DLG2: variants seen among roughly 807,000 people sequenced by gnomAD.
DLG2 encodes the protein disks large homolog 2.
Under a neutral mutation model 132.5 loss-of-function variants are expected in DLG2, and 45 were observed. That is an observed-to-expected ratio of 0.34 (90% CI 0.27 to 0.44). DLG2 has a LOEUF of 0.44. Ranked by LOEUF, DLG2 falls within the 20% of genes least tolerant of loss-of-function variation. The pLI, the probability that DLG2 is intolerant of heterozygous loss-of-function variation, is 1.00. For missense variants in DLG2, 1,045 were observed against 1,196.9 expected, an observed-to-expected ratio of 0.87 and a Z score of 1.87; for synonymous variants, 424 against 419.6, an observed-to-expected ratio of 1.01 and a Z score of -0.13.
At chr11:85,610,295 G>C (rs962404284) in intron 2 of DLG2, among the ~76,000 whole-genome samples, 4 of 152,236 alleles carry the variant, frequency 2.6e-5, no homozygotes, top group Non-Finnish European at 4.4e-5. Context: ...TGAATGGTCA[G>C]TGGAGACTAG....
intron 3 of DLG2, among the ~76,000 whole-genome samples, chr11:85,378,967 G>A (rs763385935): frequency 5.9e-5 from 9 of 152,012 alleles, no homozygotes; most frequent in Non-Finnish European, 8.8e-5. Context: ...CCCTTTACCA[G>A]CACTTAAATT....
intron 3 of DLG2, among the ~76,000 whole-genome samples, chr11:85,559,788 A>C (rs2077128808): frequency 6.7e-6 from 1 of 148,790 alleles, no homozygotes; most frequent in Non-Finnish European, 1.5e-5. Flanking sequence ...AAATACACAC[A>C]CACAGATAGA....
intron 6 of DLG2, among the ~76,000 whole-genome samples, chr11:85,034,497 G>A (rs2061293097): frequency 6.6e-6 from 1 of 152,108 alleles, no homozygotes; most frequent in Admixed American, 6.5e-5. Flanking sequence ...CAATGAGAAT[G>A]GTAAGCCAAC....
intron 8 of DLG2, among the ~76,000 whole-genome samples, chr11:84,166,437 G>A (rs1324563076): frequency 2.0e-5 from 3 of 149,338 alleles, no homozygotes; most frequent in Non-Finnish European, 4.4e-5. Context: ...GGGAGGCAGA[G>A]GTTGCAGTGA....
chr11:85,009,541 C>G (rs920046103), intron 6 of DLG2, among the ~76,000 whole-genome samples: 3 of 152,042 alleles, frequency 2.0e-5, no homozygotes, highest in Admixed American at 6.6e-5. Flanking sequence ...GCTATATAAA[C>G]TGGAAAGATA....
At chr11:85,404,900 C>G (rs2152970388) in intron 3 of DLG2, among the ~76,000 whole-genome samples, 1 of 152,020 alleles carries the variant, frequency 6.6e-6, no homozygotes, top group Admixed American at 6.6e-5. Context: ...TGTTTTATAA[C>G]TTATACACTC....
chr11:84,387,052 C>G (rs1418456006), intron 7 of DLG2, among the ~76,000 whole-genome samples: 1 of 152,036 alleles, frequency 6.6e-6, no homozygotes, highest in Non-Finnish European at 1.5e-5. Flanking sequence ...CATTTGTACT[C>G]ATGTCGTTTT....
intron 6 of DLG2, among the ~76,000 whole-genome samples, chr11:84,752,638 T>C (rs1323555206): frequency 2.7e-5 from 4 of 148,122 alleles, no homozygotes; most frequent in African/African-American, 7.5e-5. Flanking sequence ...TACATATGTA[T>C]ACATGTGCCA....
At chr11:84,771,683 A>G (rs1454908686) in intron 6 of DLG2, among the ~76,000 whole-genome samples, 1 of 152,222 alleles carries the variant, frequency 6.6e-6, no homozygotes, top group Non-Finnish European at 1.5e-5. Context: ...CTGCTATCAC[A>G]AAGACACACC....
intron 11 of DLG2, among the ~76,000 whole-genome samples, chr11:83,993,377 A>G (rs571244763): frequency 6.6e-6 from 1 of 152,266 alleles, no homozygotes; most frequent in Admixed American, 6.6e-5. Flanking sequence ...CTCAAGGGGG[A>G]AAAAGTATAT....
At chr11:83,831,737 C>G (rs1439298327) in intron 17 of DLG2, among the ~76,000 whole-genome samples, 1 of 152,114 alleles carries the variant, frequency 6.6e-6, no homozygotes, top group African/African-American at 2.4e-5. Context: ...ATAATATCAG[C>G]CATAAGTACT....
Position 85,284,340 on chromosome 11 carries a change from C to T in DLG2, c.186+880G>A, listed in dbSNP as rs142258683. On this transcript the variant is annotated intron_variant, in intron 4 of 27. Coordinates refer to ENST00000376104, the MANE Select transcript of DLG2 (RefSeq NM_001142699.3). ...CTGTCCTTCCCAGTTTACAAATCAGCTCTGAGCAGGACAGAAAATATATGA... is the reference window on the plus strand; with the variant it reads ...CTGTCCTTCCCAGTTTACAAATCAGTTCTGAGCAGGACAGAAAATATATGA... Among the ~76,000 whole-genome samples the T allele has an allele frequency of 5.6e-3, 843 of 151,742 alleles. 10 individuals carry two copies. Among genetic ancestry groups the T allele is most frequent in the African/African-American group, 0.019 (807 of 41,412 alleles).
At chr11:84,654,016 A>G (rs1271023345) in intron 6 of DLG2, among the ~76,000 whole-genome samples, 2 of 152,200 alleles carry the variant, frequency 1.3e-5, no homozygotes, top group African/African-American at 4.8e-5. Flanking sequence ...GACCAAGTGT[A>G]TAAGACTGAA....
intron 15 of DLG2, among the ~76,000 whole-genome samples, chr11:83,887,379 C>T (rs1419700545): frequency 1.3e-5 from 2 of 151,812 alleles, no homozygotes; most frequent in Non-Finnish European, 1.5e-5. Flanking sequence ...GACACATACA[C>T]CCTCCCAAGA....
At chr11:84,093,362 T>C (rs1387348945) in intron 10 of DLG2, among the ~76,000 whole-genome samples, 1 of 152,206 alleles carries the variant, frequency 6.6e-6, no homozygotes, top group Non-Finnish European at 1.5e-5. Flanking sequence ...CCATTCTCAT[T>C]CTTTCTCACA....
chr11:83,811,024 T>A (rs2047126563), intron 17 of DLG2, among the ~76,000 whole-genome samples: 1 of 152,102 alleles, frequency 6.6e-6, no homozygotes, highest in Non-Finnish European at 1.5e-5. Context: ...TTATCTTCTG[T>A]GTTAAATCTC....
chr11:83,664,134 T>C (rs1409393067), intron 18 of DLG2, among the ~76,000 whole-genome samples: 1 of 152,216 alleles, frequency 6.6e-6, no homozygotes, highest in Admixed American at 6.5e-5. Context: ...GCCCATGTTA[T>C]GGATTCAGTG....
intron 21 of DLG2, among the ~76,000 whole-genome samples, chr11:83,508,393 C>A (rs1440014384): frequency 1.0e-5 from 1 of 97,016 alleles, no homozygotes; most frequent in Non-Finnish European, 2.0e-5. Context: ...CACACCACCA[C>A]GCCTGGCTAA....
intron 6 of DLG2, among the ~76,000 whole-genome samples, chr11:84,602,724 G>A (rs2099578838): frequency 6.6e-6 from 1 of 151,952 alleles, no homozygotes; most frequent in Non-Finnish European, 1.5e-5. Context: ...CTCATTTGGA[G>A]TCTACTTTTG....
Sources: allele counts gnomAD v4.1 joint callset (sites outside exome capture counted in the v4.1 genomes callset), GRCh38; gene constraint gnomAD v4.1.1; transcripts MANE v1.5; gene names NCBI Gene and HGNC (gene_info 2026-07-23, HGNC 2026-07-21).